The following ERLIN1 variants were observed in gnomAD, a reference collection of about 807,000 sequenced individuals.
The protein encoded by ERLIN1 is ER lipid raft associated 1.
A neutral mutation model predicts 46.9 loss-of-function variants in ERLIN1; 24 were observed. The observed-to-expected ratio is 0.51, with a 90% confidence interval of 0.37 to 0.72. The LOEUF (loss-of-function observed/expected upper bound fraction) is 0.72, where lower values mean the gene tolerates loss of function less well. ERLIN1 is among the 30% of genes least tolerant of loss of function. The probability of loss-of-function intolerance (pLI) is 0.00; values close to 1 mark genes in which losing one functional copy is unlikely to be tolerated. For missense variants in ERLIN1, 293 were observed against 417.9 expected, an observed-to-expected ratio of 0.70 and a Z score of 2.61; for synonymous variants, 158 against 143.2, an observed-to-expected ratio of 1.10 and a Z score of -0.74.
chr10:100,185,283 T>C (rs1160404867), intron 1 of ERLIN1, among the ~76,000 whole-genome samples: 1 of 152,146 alleles, frequency 6.6e-6, no homozygotes, highest in Non-Finnish European at 1.5e-5. Flanking sequence ...GAGTTTGCTG[T>C]GTATAGGAAT....
chr10:100,169,888 T>A (rs1176639584), intron 6 of ERLIN1, among the ~76,000 whole-genome samples: 1 of 152,016 alleles, frequency 6.6e-6, no homozygotes, highest in African/African-American at 2.4e-5. Flanking sequence ...TGTGGGGGTG[T>A]GTACCTGTAC....
At chr10:100,163,465 T>C (rs1465449813) in intron 8 of ERLIN1, among the ~76,000 whole-genome samples, 2 of 151,854 alleles carry the variant, frequency 1.3e-5, no homozygotes, top group South Asian at 2.1e-4. Flanking sequence ...TATAATTGAA[T>C]TATTTAATTA....
intron 9 of ERLIN1, among the ~76,000 whole-genome samples, chr10:100,155,553 C>T (rs939938088): frequency 4.6e-5 from 7 of 151,040 alleles, no homozygotes; most frequent in South Asian, 2.1e-4. Context: ...CTCGCTCTGT[C>T]GCCCAGGCTG....
chr10:100,160,612 T>C (rs1304925959), intron 8 of ERLIN1, among the ~76,000 whole-genome samples: 1 of 152,192 alleles, frequency 6.6e-6, no homozygotes, highest in Non-Finnish European at 1.5e-5. Context: ...TTAATATAAT[T>C]TACCATATTA....
intron 6 of ERLIN1, among the ~76,000 whole-genome samples, chr10:100,167,865 AG>A (rs1288893863): frequency 2.6e-5 from 4 of 152,254 alleles, no homozygotes; most frequent in Admixed American, 2.6e-4. Context: ...TACAGTGAGT[AG>A]TGAGTAAATT....
At chr10:100,169,790 G>A (rs536192670) in intron 6 of ERLIN1, among the ~76,000 whole-genome samples, 5 of 152,126 alleles carry the variant, frequency 3.3e-5, no homozygotes, top group Non-Finnish European at 7.4e-5. Flanking sequence ...AACTTATATT[G>A]GAGGATTGCA....
At position 100,185,587 on chromosome 10, in the gene ERLIN1, C is replaced by A. The variant is rs778691837; in HGVS notation, c.40G>T (p.Val14Leu). The change falls in exon 1 of 11, where the codon GTG (valine) becomes TTG (leucine). Residue 14 changes from valine (V) to leucine (L), a missense_variant. By Grantham distance (32) the Val-to-Leu change is conservative. Coordinates refer to ENST00000421367, the MANE Select transcript of ERLIN1 (RefSeq NM_006459.4). ...TQARVLVAAV[V>L]GLVAVLLYAS... ...TAGAGCAGGACAGCCACCAACCCCA[C>A]CACTGCAGCCACCAGAACCCGGGCT... 1.9e-6 allele frequency: 3 copies of A among 1,613,940 alleles called. No homozygotes were observed. The highest frequency in any genetic ancestry group is 2.7e-5 in the African/African-American group (2 of 74,946).
chr10:100,150,176 G>A lies in ERLIN1; in HGVS notation c.*1955C>T, dbSNP rs1482260252. ...ATAAATTTAGACTCAAGATTACAGT[G>A]TATATTTGCCAAAAGGAACACCCCG... is the stretch of plus-strand genomic sequence containing the variant. On this transcript the variant is annotated 3_prime_UTR_variant, in exon 11 of 11. Coordinates refer to ENST00000421367, the MANE Select transcript of ERLIN1 (RefSeq NM_006459.4). The A allele has an allele frequency of 1.3e-5, 2 of 152,186 alleles. No homozygotes were observed. Among genetic ancestry groups the A allele is most frequent in the Admixed American group, 6.5e-5 (1 of 15,286 alleles). The allele number at this position is 152,186 out of a possible 1,614,324, so 9.4% of individuals were successfully genotyped here.
Position 100,150,991 on chromosome 10 carries a change from T to A in ERLIN1, c.*1140A>T, listed in dbSNP as rs1287756549. The A allele has an allele frequency of 1.3e-5, 2 of 152,222 alleles. No individual in the cohort carries two copies. The highest frequency in any genetic ancestry group is 4.8e-5 in the African/African-American group (2 of 41,388). 9.4% of individuals were successfully genotyped at this position (152,222 alleles called of 1,614,324 possible). The stretch of plus-strand genomic sequence containing the variant: ...TGGATTTAAGCATCTCTGGGCCAGG[T>A]GGGAAGGAGACAATGATGACCAAGG... On this transcript the variant is annotated 3_prime_UTR_variant, in exon 11 of 11. Coordinates refer to ENST00000421367, the MANE Select transcript of ERLIN1 (RefSeq NM_006459.4).
At chr10:100,161,280 C>G (rs1409055949) in intron 8 of ERLIN1, among the ~76,000 whole-genome samples, 1 of 151,704 alleles carries the variant, frequency 6.6e-6, no homozygotes, top group African/African-American at 2.4e-5. Context: ...AGCAATATTG[C>G]TAAATAAAAA....
intron 6 of ERLIN1, among the ~76,000 whole-genome samples, chr10:100,168,315 A>T (rs951399907): frequency 5.3e-5 from 8 of 152,232 alleles, no homozygotes; most frequent in Admixed American, 4.6e-4. Flanking sequence ...TAAAACTTTT[A>T]AGCGATATAG....
intron 2 of ERLIN1, among the ~76,000 whole-genome samples, chr10:100,180,450 GAA>G (rs1564817855): frequency 6.6e-6 from 1 of 152,118 alleles, no homozygotes; most frequent in Non-Finnish European, 1.5e-5. Flanking sequence ...GTAAATTACA[GAA>G]AGTGAAAAAA....
intron 4 of ERLIN1, 97 bp from the exon 5 acceptor site, chr10:100,176,167 T>C (rs1844288695): frequency 9.9e-7 from 1 of 1,013,366 alleles, no homozygotes; most frequent in East Asian, 2.8e-5. Flanking sequence ...ATATTACACA[T>C]GAGGAAAAGT....
chr10:100,166,182 G>A (rs535149281), intron 7 of ERLIN1, among the ~76,000 whole-genome samples: 1 of 152,344 alleles, frequency 6.6e-6, no homozygotes, highest in East Asian at 1.9e-4. Context: ...TACTTTGGGA[G>A]GCCAAGGCAG....
intron 7 of ERLIN1, among the ~76,000 whole-genome samples, chr10:100,165,589 T>G (rs1411361537): frequency 6.6e-6 from 1 of 152,072 alleles, no homozygotes; most frequent in Non-Finnish European, 1.5e-5. Context: ...GGTTTCATTG[T>G]GTTAGCTAGG....
At chr10:100,169,617 T>C (rs1042486548) in intron 6 of ERLIN1, among the ~76,000 whole-genome samples, 1 of 145,146 alleles carries the variant, frequency 6.9e-6, no homozygotes, top group Non-Finnish European at 1.5e-5. Flanking sequence ...CATTCCTCAA[T>C]GATTAAAAAA....
At chr10:100,176,402 G>A (rs1380673676) in intron 4 of ERLIN1, among the ~76,000 whole-genome samples, 1 of 152,144 alleles carries the variant, frequency 6.6e-6, no homozygotes, top group Non-Finnish European at 1.5e-5. Flanking sequence ...TCAGATTTAC[G>A]CTTTGGCCAG....
chr10:100,153,465 C>A (rs773431094), intron 10 of ERLIN1, among the ~76,000 whole-genome samples: 39 of 152,190 alleles, frequency 2.6e-4, no homozygotes, highest in Non-Finnish European at 4.6e-4. Flanking sequence ...CCCCTCAGAC[C>A]CTGCTCTGTG....
At chr10:100,165,534 C>T (rs528613754) in intron 7 of ERLIN1, among the ~76,000 whole-genome samples, 40 of 151,792 alleles carry the variant, frequency 2.6e-4, no homozygotes, top group Admixed American at 1.0e-3. Context: ...CTACAGGCGC[C>T]CACCACCATG....
Sources: gnomAD v4.1 joint callset for allele counts (sites outside exome capture counted in the v4.1 genomes callset) on GRCh38, gnomAD v4.1.1 for gene constraint, MANE v1.5 for transcripts, NCBI Gene and HGNC (gene_info 2026-07-23, HGNC 2026-07-21) for gene names.